The following DYNC2H1 variants were observed in gnomAD, a reference collection of about 807,000 sequenced individuals.
The protein encoded by DYNC2H1 is cytoplasmic dynein 2 heavy chain 1.
A neutral mutation model predicts 570.0 loss-of-function variants in DYNC2H1; 410 were observed. The ratio of observed to expected loss-of-function variants is 0.72; its 90% CI spans 0.66 to 0.78. The LOEUF is 0.78. Among genes scored for constraint, DYNC2H1 ranks in the 30% least tolerant of loss-of-function variants. The probability of loss-of-function intolerance (pLI) is 0.00; values close to 1 mark genes in which losing one functional copy is unlikely to be tolerated. For missense variants in DYNC2H1, 4,865 were observed against 5,046.4 expected (o/e 0.96, Z 1.09); for synonymous variants, 1,688 against 1,677.6 (o/e 1.01, Z -0.15).
intron 63 of DYNC2H1, among the ~76,000 whole-genome samples, chr11:103,238,903 G>C (rs2135209556): frequency 6.6e-6 from 1 of 152,256 alleles, no homozygotes; most frequent in East Asian, 1.9e-4. Context: ...GTCCTGGATT[G>C]CTTGGTCTAT....
rs766100808 is a variant in DYNC2H1, at chr11:103,236,521, T to C, written c.9801T>C (p.Asn3267=). ...CATCAGATGACCTTTCCATAGAAAA[T>C]GCTCTTGTAATATTACAGGTAGTTA... is the stretch of plus-strand genomic sequence containing the variant. The part of the protein sequence containing the change: ...GLPSDDLSIE[N]ALVILQSRVC... The change falls in exon 63 of 89, where the codon AAT becomes AAC. Residue 3267 remains asparagine, a synonymous_variant. Transcript: ENST00000375735. 1.3e-6 allele frequency: 2 copies of C among 1,594,152 alleles called. No homozygotes were observed. The highest frequency in any genetic ancestry group is 1.7e-6 in the Non-Finnish European group (2 of 1,164,604).
intron 84 of DYNC2H1, chr11:103,407,821 A>T (rs1942924196): frequency 6.6e-6 from 1 of 151,986 alleles, no homozygotes; most frequent in South Asian, 2.1e-4. Context: ...GTTAGTGTGG[A>T]GATAAATCAG....
chr11:103,256,347 GA>G lies in DYNC2H1; in HGVS notation c.10461+113del, dbSNP rs1419601368. On this transcript the variant is annotated intron_variant, in intron 68 of 88. Coordinates refer to ENST00000375735, the MANE Select transcript of DYNC2H1 (RefSeq NM_001377.3). This position sits in a 1 kb window ranked among gnomAD's most constrained non-coding sequence, Gnocchi z 4.0. ...CCTCAGGGGAAAGATGATGTGAAAA[GA>G]AAAAAGCTATTCAAAAACATCAGAA... is the stretch of plus-strand genomic sequence containing the variant. The G allele has an allele frequency of 3.3e-5, 38 of 1,149,778 alleles. No individual in the cohort carries two copies. Among genetic ancestry groups the G allele is most frequent in the Non-Finnish European group, 4.6e-5 (38 of 828,958 alleles). 71.2% of individuals were successfully genotyped at this position (1,149,778 alleles called of 1,614,324 possible). A position where few individuals can be genotyped will look rare whatever the true frequency, so the allele number is the denominator to read the frequency against.
intron 77 of DYNC2H1, among the ~76,000 whole-genome samples, chr11:103,306,878 T>C (rs1048430555): frequency 2.0e-5 from 3 of 152,168 alleles, no homozygotes; most frequent in Admixed American, 6.5e-5. Context: ...ACAGAATTTG[T>C]ACCTGCTCTC....
chr11:103,142,553 C>G (rs1320736406), intron 17 of DYNC2H1, among the ~76,000 whole-genome samples: 2 of 151,930 alleles, frequency 1.3e-5, no homozygotes, highest in Non-Finnish European at 2.9e-5. Flanking sequence ...CCTGTAATCC[C>G]AATTACCATG....
chr11:103,155,609 C>A (rs764778782), intron 25 of DYNC2H1, 108 bp downstream of exon 25: 2 of 1,093,302 alleles, frequency 1.8e-6, no homozygotes, highest in Non-Finnish European at 1.2e-6. Flanking sequence ...AGGGAATCAG[C>A]TTTCATCAAA....
intron 84 of DYNC2H1, chr11:103,405,383 C>G (rs1004486341): frequency 2.6e-5 from 4 of 151,852 alleles, no homozygotes; most frequent in Non-Finnish European, 5.9e-5. Flanking sequence ...GAAGAAACAC[C>G]TGCCAAGTGG....
chr11:103,430,873 TGTTCACAATCACA>T (rs1943863455), intron 84 of DYNC2H1, among the ~76,000 whole-genome samples: 2 of 152,186 alleles, frequency 1.3e-5, no homozygotes, highest in African/African-American at 4.8e-5. Context: ...TCTACCTTCG[TGTTCACAATCACA>T]GTGCTTATCG....
chr11:103,474,174 C>A, intron 88 of DYNC2H1: 1 of 165,570 alleles, frequency 6.0e-6, no homozygotes, highest in Non-Finnish European at 1.4e-5. Context: ...ATTTTGAAAC[C>A]TAGCTAGACA....
intron 3 of DYNC2H1, among the ~76,000 whole-genome samples, chr11:103,114,535 G>A (rs536244254): frequency 6.6e-6 from 1 of 152,124 alleles, no homozygotes; most frequent in African/African-American, 2.4e-5. Context: ...GCCCAGGCTG[G>A]TGTCAAACTA....
intron 81 of DYNC2H1, among the ~76,000 whole-genome samples, chr11:103,321,799 G>A (rs1407671573): frequency 2.6e-5 from 4 of 152,026 alleles, no homozygotes; most frequent in African/African-American, 9.7e-5. Flanking sequence ...ATAGTAATAA[G>A]TATAGCCAAA....
chr11:103,274,919 AC>A (rs1301752374), intron 70 of DYNC2H1, among the ~76,000 whole-genome samples: 3 of 151,662 alleles, frequency 2.0e-5, no homozygotes, highest in African/African-American at 7.3e-5. Flanking sequence ...ACATGGCGAA[AC>A]CCCGTCTCTA....
intron 83 of DYNC2H1, among the ~76,000 whole-genome samples, chr11:103,367,699 A>T (rs1423489276): frequency 6.6e-6 from 1 of 152,160 alleles, no homozygotes; most frequent in Non-Finnish European, 1.5e-5. Flanking sequence ...ATAGAACACC[A>T]AAACTTATTC....
chr11:103,176,157 C>G, intron 36 of DYNC2H1, 78 bp from the exon 37 acceptor site: 6 of 1,109,034 alleles, frequency 5.4e-6, no homozygotes, highest in Non-Finnish European at 7.3e-6. Flanking sequence ...TAATGCATAT[C>G]AAGGCTATAG....
chr11:103,409,794 T>A (rs1184816439), intron 84 of DYNC2H1: 3 of 150,712 alleles, frequency 2.0e-5, no homozygotes, highest in Non-Finnish European at 4.4e-5. Flanking sequence ...CTTGTCTGGT[T>A]TCAGGGGACT....
At chr11:103,124,831 A>G (rs886297124) in intron 11 of DYNC2H1, among the ~76,000 whole-genome samples, 3 of 152,180 alleles carry the variant, frequency 2.0e-5, no homozygotes, top group Admixed American at 6.5e-5. Flanking sequence ...GTTTTAGCTG[A>G]AAGTTAAGAG....
chr11:103,257,845 C>T (rs1464098719), intron 69 of DYNC2H1, 94 bp downstream of exon 69: 3 of 1,220,840 alleles, frequency 2.5e-6, no homozygotes, highest in South Asian at 3.2e-5. Context: ...ATTAAGCAAA[C>T]TTTCATAGAA....
In DYNC2H1 at chr11:103,277,521, C is replaced by T. The variant is rs1865961359; in HGVS notation, c.10696-2827C>T. 6.6e-6 allele frequency among the ~76,000 whole-genome samples: 1 copy of T among 152,016 alleles called. No homozygotes were observed. Among genetic ancestry groups the T allele is most frequent in the Non-Finnish European group, 1.5e-5 (1 of 67,992 alleles). On this transcript the variant is annotated intron_variant, in intron 70 of 88. Transcript: ENST00000375735. The surrounding 1 kb of genome is among the most constrained non-coding windows in gnomAD (Gnocchi z 4.3). ...GTATTAGAGTCTCTTTCAGATTGTT[C>T]TATTATCTGAAATTCTTAACATTTT...
intron 87 of DYNC2H1, among the ~76,000 whole-genome samples, chr11:103,467,132 G>GA (rs1323488676): frequency 6.6e-6 from 1 of 152,034 alleles, no homozygotes; most frequent in Non-Finnish European, 1.5e-5. Flanking sequence ...TTGGAAACAT[G>GA]AAAAACAATA....
Sources: allele counts gnomAD v4.1 joint callset (sites outside exome capture counted in the v4.1 genomes callset), GRCh38; gene constraint gnomAD v4.1.1; non-coding constraint Gnocchi (gnomAD v3.1); transcripts MANE v1.5; gene names NCBI Gene and HGNC (gene_info 2026-07-23, HGNC 2026-07-21).